The following PCP4 variants were observed in gnomAD, a reference collection of about 807,000 sequenced individuals.
PCP4 encodes Purkinje cell protein 4.
Under a neutral mutation model 10.0 loss-of-function variants are expected in PCP4, and 8 were observed. The observed-to-expected ratio is 0.80, with a 90% confidence interval of 0.47 to 1.45. The LOEUF (loss-of-function observed/expected upper bound fraction) is 1.45, where lower values mean the gene tolerates loss of function less well. Among genes scored for constraint, PCP4 ranks in the 40% most tolerant of loss-of-function variants. The probability of loss-of-function intolerance (pLI) is 0.00; values close to 1 mark genes in which losing one functional copy is unlikely to be tolerated. For synonymous variants in PCP4, 21 were observed against 23.0 expected (o/e 0.91, Z 0.24); for missense variants, 54 against 74.4 (o/e 0.73, Z 1.01).
intron 1 of PCP4, among the ~76,000 whole-genome samples, chr21:39,870,433 T>C (rs1045635670): frequency 3.3e-5 from 5 of 152,192 alleles, no homozygotes; most frequent in African/African-American, 1.2e-4. Context: ...CTTAAGTCTA[T>C]CAGCTGGATC....
chr21:39,909,754 T>G (rs993909464), intron 2 of PCP4, among the ~76,000 whole-genome samples: 3 of 152,082 alleles, frequency 2.0e-5, no homozygotes, highest in Admixed American at 2.0e-4. Flanking sequence ...TTTTTGTGCT[T>G]GGCAAGCAGC....
intron 1 of PCP4, among the ~76,000 whole-genome samples, chr21:39,869,379 G>A (rs141493436): frequency 1.7e-4 from 26 of 152,342 alleles, no homozygotes; most frequent in Middle Eastern, 3.4e-3. Flanking sequence ...GGTAATCAGG[G>A]CAGCTCTGTA....
chr21:39,916,848 A>T (rs1233585189), intron 2 of PCP4, among the ~76,000 whole-genome samples: 1 of 152,236 alleles, frequency 6.6e-6, no homozygotes, highest in African/African-American at 2.4e-5. Context: ...ACACAGGAAC[A>T]GAAAATGAAA....
intron 1 of PCP4, among the ~76,000 whole-genome samples, chr21:39,896,055 A>G (rs2087455610): frequency 2.0e-5 from 3 of 152,208 alleles, no homozygotes; most frequent in Admixed American, 6.5e-5. Flanking sequence ...CCTGACATAA[A>G]AACCCCATCT....
At chr21:39,913,113 A>T (rs1352576863) in intron 2 of PCP4, among the ~76,000 whole-genome samples, 1 of 152,168 alleles carries the variant, frequency 6.6e-6, no homozygotes, top group Non-Finnish European at 1.5e-5. Context: ...TAATTTTAGT[A>T]TCTTTTTATA....
At chr21:39,924,566 C>T (rs2299797) in intron 2 of PCP4, among the ~76,000 whole-genome samples, 35,402 of 151,834 alleles carry the variant, frequency 0.23, 4,179 homozygotes, top group African/African-American at 0.29. Flanking sequence ...TGAGACAGGT[C>T]TCACTCTGTT....
chr21:39,892,104 C>T (rs2087435263), intron 1 of PCP4, among the ~76,000 whole-genome samples: 1 of 152,186 alleles, frequency 6.6e-6, no homozygotes, highest in Admixed American at 6.5e-5. Context: ...GGTGCCTTCC[C>T]AGACACTGGC....
intron 2 of PCP4, among the ~76,000 whole-genome samples, chr21:39,904,570 C>T (rs1709258037): frequency 1.3e-5 from 2 of 152,142 alleles, no homozygotes; most frequent in African/African-American, 4.8e-5. Flanking sequence ...CACAGGGTGG[C>T]TGGATGGAAG....
intron 2 of PCP4, among the ~76,000 whole-genome samples, chr21:39,912,215 T>G (rs937094951): frequency 7.9e-5 from 12 of 152,228 alleles, no homozygotes; most frequent in East Asian, 7.7e-4. Context: ...ATTTTATCCC[T>G]GCTTAAATTT....
At chr21:39,902,402 A>G (rs932057663) in intron 2 of PCP4, among the ~76,000 whole-genome samples, 1 of 152,246 alleles carries the variant, frequency 6.6e-6, no homozygotes, top group African/African-American at 2.4e-5. Context: ...AAAAGACCCA[A>G]GTCAGGTACA....
At chr21:39,868,812 G>T (rs1199367409) in intron 1 of PCP4, among the ~76,000 whole-genome samples, 1 of 152,202 alleles carries the variant, frequency 6.6e-6, no homozygotes, top group East Asian at 1.9e-4. Context: ...GCAATGCTGG[G>T]TGGTTGACTG....
Position 39,907,769 on chromosome 21 carries a change from C to T in PCP4, c.61+9242C>T, listed in dbSNP as rs963340915. ...CAGACATCGTGCCACTGCACTCCAG[C>T]CTGGGCAACAGAGTGAGACTCTGTC... is the stretch of plus-strand genomic sequence containing the variant. On this transcript the variant is annotated intron_variant, in intron 2 of 2. Coordinates refer to ENST00000328619, the MANE Select transcript of PCP4 (RefSeq NM_006198.3). 5.3e-5 allele frequency among the ~76,000 whole-genome samples: 8 copies of T among 152,038 alleles called. No individual in the cohort carries two copies. The East Asian group carries it at 7.8e-4, about 15-fold the overall frequency.
At chr21:39,876,593 T>A (rs1023954578) in intron 1 of PCP4, among the ~76,000 whole-genome samples, 15 of 152,224 alleles carry the variant, frequency 9.9e-5, no homozygotes. Context: ...AGGCAGTGTG[T>A]CTGGGACAAT....
At chr21:39,878,161 C>T (rs967483527) in intron 1 of PCP4, among the ~76,000 whole-genome samples, 6 of 152,138 alleles carry the variant, frequency 3.9e-5, no homozygotes, top group African/African-American at 1.4e-4. Context: ...ACTCTGGTGT[C>T]CACGCAGAGC....
At chr21:39,926,646 C>T (rs912529752) in intron 2 of PCP4, among the ~76,000 whole-genome samples, 3 of 152,162 alleles carry the variant, frequency 2.0e-5, no homozygotes, top group Admixed American at 6.6e-5. Context: ...GTTATTGGTA[C>T]AAAAGGGTTT....
At chr21:39,880,461 G>A (rs768326201) in intron 1 of PCP4, among the ~76,000 whole-genome samples, 27 of 149,220 alleles carry the variant, frequency 1.8e-4, no homozygotes, top group Admixed American at 1.3e-3. Flanking sequence ...GTGCGTGTGT[G>A]TGAGTGTGTG....
At chr21:39,914,573 C>CAAAAAA (rs55775259) in intron 2 of PCP4, among the ~76,000 whole-genome samples, 10 of 118,878 alleles carry the variant, frequency 8.4e-5, no homozygotes, top group East Asian at 2.4e-4. Context: ...AGAGCTGTCT[C>CAAAAAA]AAAAAAAAAA....
At chr21:39,878,110 A>G (rs1454486037) in intron 1 of PCP4, among the ~76,000 whole-genome samples, 1 of 152,156 alleles carries the variant, frequency 6.6e-6, no homozygotes, top group African/African-American at 2.4e-5. Flanking sequence ...TACCCCTTAA[A>G]GAACTTGTAG....
chr21:39,868,542 C>T (rs2087304583), intron 1 of PCP4, among the ~76,000 whole-genome samples: 1 of 152,204 alleles, frequency 6.6e-6, no homozygotes, highest in Admixed American at 6.5e-5. Flanking sequence ...GAGAGACCAA[C>T]TGTGGGGTGG....
Sources: gnomAD v4.1 joint callset for allele counts (sites outside exome capture counted in the v4.1 genomes callset) on GRCh38, gnomAD v4.1.1 for gene constraint, MANE v1.5 for transcripts, NCBI Gene and HGNC (gene_info 2026-07-23, HGNC 2026-07-21) for gene names.